STK3: variants seen among roughly 807,000 people sequenced by gnomAD.
STK3 encodes serine/threonine kinase 3, also known as serine/threonine-protein kinase 3.
Under a neutral mutation model 58.0 loss-of-function variants are expected in STK3, and 41 were observed. The observed-to-expected ratio is 0.71, with a 90% CI of 0.55 to 0.92. The LOEUF (loss-of-function observed/expected upper bound fraction) is 0.92. Among genes scored for constraint, STK3 ranks in the 40% least tolerant of loss-of-function variants. The probability of loss-of-function intolerance (pLI) is 0.00; values close to 1 mark genes in which losing one functional copy is unlikely to be tolerated. For synonymous variants in STK3, 170 were observed against 191.0 expected (o/e 0.89, Z 0.91); for missense variants, 479 against 602.7 (o/e 0.79, Z 2.15).
At chr8:98,886,137 T>TG (rs1467326767) in intron 1 of STK3, among the ~76,000 whole-genome samples, 2 of 152,178 alleles carry the variant, frequency 1.3e-5, no homozygotes, top group Admixed American at 6.5e-5. Context: ...ATTGTGGTGG[T>TG]GGTTACCCAT....
intron 1 of STK3, among the ~76,000 whole-genome samples, chr8:98,797,415 T>A (rs771012137): frequency 7.9e-4 from 120 of 152,316 alleles, no homozygotes; most frequent in Middle Eastern, 3.4e-3. Context: ...ACAATATTTT[T>A]AAACTCAATC....
chr8:98,369,349 C>G (rs1265949953), downstream of STK3, among the ~76,000 whole-genome samples: 1 of 152,192 alleles, frequency 6.6e-6, no homozygotes, highest in African/African-American at 2.4e-5. Context: ...TATTAAGGAT[C>G]TTCTCCCCAC....
At position 98,904,181 on chromosome 8, in the gene STK3, T is replaced by C. The variant is rs570305023; in HGVS notation, c.-78-20347A>G. ...CAGAAGATTAACTTCAATGTTAGAG[T>C]CCAGAACTAACAGAGAAGAGTAAAA... On this transcript the variant is annotated intron_variant, in intron 1 of 1. Coordinates refer to the STK3 transcript ENST00000519420. Among the ~76,000 whole-genome samples the C allele has an allele frequency of 3.9e-5, 6 of 151,970 alleles. No individual in the cohort carries two copies. The South Asian group carries it at 1.0e-3, about 26-fold the overall frequency.
chr8:98,389,244 C>A (rs972863143), upstream of STK3, among the ~76,000 whole-genome samples: 49 of 152,276 alleles, frequency 3.2e-4, no homozygotes, highest in Non-Finnish European at 5.6e-4. Flanking sequence ...CAGCCCACAG[C>A]AATTTTTTCC....
intron 10 of STK3, chr8:98,463,051 C>T (rs183308591): frequency 6.0e-5 from 9 of 150,820 alleles, no homozygotes; most frequent in South Asian, 2.1e-4. Context: ...AAGTGAGCAC[C>T]GTCTCAATTG....
chr8:98,661,876 C>T (rs924383359), intron 6 of STK3, among the ~76,000 whole-genome samples: 1 of 152,050 alleles, frequency 6.6e-6, no homozygotes, highest in African/African-American at 2.4e-5. Context: ...AGTGCCTATA[C>T]CTACCACCCA....
chr8:98,775,992 G>A (rs1831652638), intron 1 of STK3, among the ~76,000 whole-genome samples: 1 of 152,148 alleles, frequency 6.6e-6, no homozygotes, highest in African/African-American at 2.4e-5. Context: ...AAAGATTTGT[G>A]GTGAATAAAG....
At chr8:98,643,863 G>C (rs1162564622) in intron 6 of STK3, among the ~76,000 whole-genome samples, 1 of 152,098 alleles carries the variant, frequency 6.6e-6, no homozygotes, top group African/African-American at 2.4e-5. Flanking sequence ...TTAAAAATTA[G>C]CTGGGTGTGA....
At chr8:98,703,471 A>G (rs1331872355) in intron 6 of STK3, among the ~76,000 whole-genome samples, 3 of 152,104 alleles carry the variant, frequency 2.0e-5, no homozygotes, top group Non-Finnish European at 4.4e-5. Context: ...CAGCTTTCTC[A>G]TATCTTAACT....
At chr8:98,746,153 T>G (rs1281969821) in intron 4 of STK3, among the ~76,000 whole-genome samples, 6 of 152,174 alleles carry the variant, frequency 3.9e-5, no homozygotes, top group African/African-American at 1.2e-4. Flanking sequence ...CTAACCCCAA[T>G]TGAATTAAGT....
At chr8:98,911,238 C>G (rs561840775) in intron 1 of STK3, among the ~76,000 whole-genome samples, 26 of 152,234 alleles carry the variant, frequency 1.7e-4, no homozygotes, top group African/African-American at 5.5e-4. Flanking sequence ...TTAAAAAGCT[C>G]TTTATGTATA....
At chr8:98,729,585 C>A (rs1046332213) in intron 4 of STK3, among the ~76,000 whole-genome samples, 2 of 152,216 alleles carry the variant, frequency 1.3e-5, no homozygotes, top group Non-Finnish European at 2.9e-5. Context: ...TACCCAAATA[C>A]ATCTGGTAGA....
intron 4 of STK3, among the ~76,000 whole-genome samples, chr8:98,744,841 G>T (rs1829533249): frequency 6.6e-6 from 1 of 151,756 alleles, no homozygotes; most frequent in Non-Finnish European, 1.5e-5. Context: ...AGTAGGACAG[G>T]CTTATAAGCC....
intron 6 of STK3, among the ~76,000 whole-genome samples, chr8:98,673,602 G>C (rs1822984738): frequency 6.6e-6 from 1 of 152,042 alleles, no homozygotes; most frequent in South Asian, 2.1e-4. Context: ...TCGGAGGGGT[G>C]GGGAGGGGCA....
chr8:98,760,754 C>G (rs1257286428), intron 3 of STK3, among the ~76,000 whole-genome samples: 1 of 151,350 alleles, frequency 6.6e-6, no homozygotes, highest in Non-Finnish European at 1.5e-5. Flanking sequence ...TTCCTCTCAT[C>G]TCATACCTAA....
At chr8:98,862,764 T>C (rs1001954003) in intron 3 of STK3, among the ~76,000 whole-genome samples, 5 of 152,224 alleles carry the variant, frequency 3.3e-5, no homozygotes, top group Non-Finnish European at 7.3e-5. Context: ...TGAAATGGCA[T>C]CTACTGAAGA....
At chr8:98,660,846 C>T (rs550146817) in intron 6 of STK3, among the ~76,000 whole-genome samples, 24 of 152,132 alleles carry the variant, frequency 1.6e-4, no homozygotes, top group African/African-American at 5.1e-4. Context: ...CTGTAGAAGC[C>T]TCTGCTACCT....
At chr8:98,834,760 G>A (rs1055904191) in intron 3 of STK3, among the ~76,000 whole-genome samples, 2 of 152,140 alleles carry the variant, frequency 1.3e-5, no homozygotes. Flanking sequence ...ATCACCTTCA[G>A]GGGTAAGATA....
chr8:98,476,307 A>G (rs762185464), intron 10 of STK3, among the ~76,000 whole-genome samples: 17 of 152,264 alleles, frequency 1.1e-4, no homozygotes, highest in Non-Finnish European at 2.1e-4. Context: ...TTGCCCCACA[A>G]ACTCTAATAT....
Sources: gnomAD v4.1 joint callset for allele counts (sites outside exome capture counted in the v4.1 genomes callset) on GRCh38, gnomAD v4.1.1 for gene constraint, MANE v1.5 for transcripts, NCBI Gene and HGNC (gene_info 2026-07-23, HGNC 2026-07-21) for gene names.